The following COBLL1 variants were observed in gnomAD, a reference collection of about 807,000 sequenced individuals.
COBLL1 encodes the protein cordon-bleu protein-like 1.
In COBLL1, 50 loss-of-function variants were observed where a neutral mutation model predicts 94.8. That is an observed-to-expected ratio of 0.53 (90% confidence interval 0.42 to 0.67). COBLL1 has a LOEUF of 0.67. Ranked by LOEUF, COBLL1 falls within the 30% of genes least tolerant of loss-of-function variation. The pLI, the probability that COBLL1 is intolerant of heterozygous loss-of-function variation, is 0.00. For synonymous variants in COBLL1, 448 were observed against 473.8 expected (o/e 0.95, Z 0.71); for missense variants, 1,362 against 1,348.7 (o/e 1.01, Z -0.15).
Position 164,695,722 on chromosome 2 carries a change from A to T in COBLL1, c.1670T>A (p.Met557Lys). The T allele has an allele frequency of 1.2e-6, 2 of 1,613,774 alleles. No individual in the cohort carries two copies. The highest frequency in any genetic ancestry group is 1.7e-6 in the Non-Finnish European group (2 of 1,179,848). ...EGVAKNNNIDMEVERPSNSEA... is the reference protein window; with the variant it reads ...EGVAKNNNIDKEVERPSNSEA... ...AGAGTTTGATGGTCTCTCAACTTCC[A>T]TATCAATGTTGTTATTTTTGGCAAC... The change falls in exon 12 of 14, where the codon ATG becomes AAG. Residue 557 changes from methionine (M) to lysine (K), a missense_variant. Physicochemically the swap from Met to Lys is moderately conservative, Grantham distance 95 (BLOSUM62 -1). Coordinates refer to ENST00000652658, the MANE Select transcript of COBLL1 (RefSeq NM_001365672.2).
At chr2:164,674,581 T>A (rs1240769583) in intron 1 of COBLL1, among the ~76,000 whole-genome samples, 3 of 152,174 alleles carry the variant, frequency 2.0e-5, no homozygotes, top group African/African-American at 7.2e-5. Flanking sequence ...ATTAAATGAT[T>A]AACATCAATG....
At chr2:164,785,364 G>T (rs556977361) in intron 2 of COBLL1, among the ~76,000 whole-genome samples, 1 of 152,286 alleles carries the variant, frequency 6.6e-6, no homozygotes, top group South Asian at 2.1e-4. Context: ...ACCTCAGCCT[G>T]AGCAACAGAG....
chr2:164,825,894 T>C (rs1249432906), intron 2 of COBLL1, among the ~76,000 whole-genome samples: 3 of 152,214 alleles, frequency 2.0e-5, no homozygotes, highest in Non-Finnish European at 4.4e-5. Context: ...ACAGCATTTG[T>C]GGTAAAGTAT....
At chr2:164,729,869 G>A (rs768002850) in intron 4 of COBLL1, 45 bp downstream of exon 4, 4 of 1,489,816 alleles carry the variant, frequency 2.7e-6, no homozygotes, top group Non-Finnish European at 3.7e-6. Flanking sequence ...ATGAGCTGCT[G>A]ATAATGACTG....
At chr2:164,673,534 G>C (rs1691283042) in intron 1 of COBLL1, among the ~76,000 whole-genome samples, 1 of 152,114 alleles carries the variant, frequency 6.6e-6, no homozygotes, top group South Asian at 2.1e-4. Flanking sequence ...AATTAGCCGG[G>C]TGTGGTGGCG....
chr2:164,814,139 A>C (rs2105344854), intron 2 of COBLL1, among the ~76,000 whole-genome samples: 1 of 152,284 alleles, frequency 6.6e-6, no homozygotes, highest in Non-Finnish European at 1.5e-5. Flanking sequence ...TCAGAGTAGT[A>C]AGGTAGCAAG....
chr2:164,790,568 A>G (rs1012231328), intron 2 of COBLL1, among the ~76,000 whole-genome samples: 4 of 152,158 alleles, frequency 2.6e-5, no homozygotes, highest in Non-Finnish European at 5.9e-5. Context: ...CTTATACATC[A>G]TTTTACTTAA....
chr2:164,762,673 C>T (rs918202492), intron 2 of COBLL1, among the ~76,000 whole-genome samples: 4 of 150,914 alleles, frequency 2.7e-5, no homozygotes, highest in African/African-American at 9.7e-5. Flanking sequence ...CTATGGCCTA[C>T]AGGCCAAGTT....
chr2:164,744,440 A>G (rs1686756305), intron 2 of COBLL1, among the ~76,000 whole-genome samples: 1 of 152,118 alleles, frequency 6.6e-6, no homozygotes, highest in Non-Finnish European at 1.5e-5. Context: ...AGCACATACC[A>G]ATTCCATAGA....
intron 7 of COBLL1, among the ~76,000 whole-genome samples, chr2:164,712,164 C>G (rs1481092056): frequency 6.6e-6 from 1 of 152,010 alleles, no homozygotes; most frequent in African/African-American, 2.4e-5. Context: ...TTGCTCTGTA[C>G]TAGTTATTAG....
chr2:164,809,753 C>T (rs138410103), intron 2 of COBLL1, among the ~76,000 whole-genome samples: 1 of 151,970 alleles, frequency 6.6e-6, no homozygotes, highest in African/African-American at 2.4e-5. Flanking sequence ...ATTTGAGTTG[C>T]CCTGATCATG....
downstream of COBLL1, among the ~76,000 whole-genome samples, chr2:164,678,863 C>A (rs1321650317): frequency 6.6e-6 from 1 of 152,130 alleles, no homozygotes; most frequent in Non-Finnish European, 1.5e-5. Context: ...GTCTTTGTTT[C>A]TTTATGACCC....
chr2:164,785,298 A>G (rs1338687748), intron 2 of COBLL1, among the ~76,000 whole-genome samples: 2 of 152,208 alleles, frequency 1.3e-5, no homozygotes, highest in African/African-American at 4.8e-5. Context: ...CCGAGGCACA[A>G]GAATCACTTG....
intron 2 of COBLL1, among the ~76,000 whole-genome samples, chr2:164,750,387 C>G (rs939905468): frequency 6.6e-6 from 1 of 152,196 alleles, no homozygotes; most frequent in Admixed American, 6.5e-5. Context: ...TTTAATTCCT[C>G]TCTGTCCTTT....
chr2:164,837,880 T>A (rs1260199432), intron 2 of COBLL1, among the ~76,000 whole-genome samples: 4 of 152,142 alleles, frequency 2.6e-5, no homozygotes, highest in African/African-American at 9.7e-5. Context: ...CTTCTGCATG[T>A]TACTAAGAAA....
At chr2:164,813,472 T>C (rs188037721) in intron 2 of COBLL1, among the ~76,000 whole-genome samples, 5 of 152,286 alleles carry the variant, frequency 3.3e-5, no homozygotes, top group Admixed American at 3.3e-4. Context: ...TTTCATCATG[T>C]AACCAGCTAC....
intron 2 of COBLL1, among the ~76,000 whole-genome samples, chr2:164,825,591 T>C (rs78098784): frequency 0.024 from 3,599 of 152,258 alleles, 134 homozygotes; most frequent in African/African-American, 0.082. Flanking sequence ...GTTTCTATAT[T>C]ACAACAAGCA....
In COBLL1 at chr2:164,767,125, CAG is replaced by C. The variant is rs898791270; in HGVS notation, c.42-23252_42-23251del. Among the ~76,000 whole-genome samples, 14 of 152,268 alleles carry C rather than the reference CAG, an allele frequency of 9.2e-5. No individual in the cohort carries two copies. In the East Asian group the frequency reaches 2.5e-3, roughly 27 times the overall value. On this transcript the variant is annotated intron_variant, in intron 2 of 13. Transcript: ENST00000652658. ...ATGTACTGGTTTCACTACGGAAACA[CAG>C]AGAGGGATGGAATTCTACTCCAAGT... is the stretch of plus-strand genomic sequence containing the variant.
At chr2:164,834,364 A>G (rs1051875370) in intron 2 of COBLL1, among the ~76,000 whole-genome samples, 2 of 152,198 alleles carry the variant, frequency 1.3e-5, no homozygotes, top group African/African-American at 4.8e-5. Flanking sequence ...AATATATTCT[A>G]ATATCTTATA....
Sources: gnomAD v4.1 joint callset for allele counts (sites outside exome capture counted in the v4.1 genomes callset) on GRCh38, gnomAD v4.1.1 for gene constraint, MANE v1.5 for transcripts, NCBI Gene and HGNC (gene_info 2026-07-23, HGNC 2026-07-21) for gene names.